The following PCNX2 variants were observed in gnomAD, a reference collection of about 807,000 sequenced individuals.
The protein encoded by PCNX2 is pecanex-like protein 2.
PCNX2 carries 168 observed loss-of-function variants against 223.8 expected under a neutral mutation model. The observed-to-expected ratio is 0.75, with a 90% CI of 0.66 to 0.85. The LOEUF (loss-of-function observed/expected upper bound fraction) is 0.85, where lower values mean the gene tolerates loss of function less well. Among genes scored for constraint, PCNX2 ranks in the 40% least tolerant of loss-of-function variants. The probability of loss-of-function intolerance (pLI) is 0.00; values close to 1 mark genes in which losing one functional copy is unlikely to be tolerated. For missense variants in PCNX2, 2,507 were observed against 2,675.5 expected, an observed-to-expected ratio of 0.94 and a Z score of 1.39; for synonymous variants, 1,006 against 1,052.6, an observed-to-expected ratio of 0.96 and a Z score of 0.86.
chr1:233,261,452 C>T (rs911804832), intron 3 of PCNX2, 131 bp from the exon 4 acceptor site: 2 of 787,130 alleles, frequency 2.5e-6, no homozygotes, highest in Non-Finnish European at 2.1e-6. Context: ...ACAGTGTTCA[C>T]TCTCCTTAAG....
intron 1 of PCNX2, among the ~76,000 whole-genome samples, chr1:233,273,350 G>A (rs977446506): frequency 1.3e-4 from 19 of 151,972 alleles, no homozygotes; most frequent in African/African-American, 4.1e-4. Flanking sequence ...AGTGGCCACA[G>A]CTCAAAGTGG....
intron 15 of PCNX2, among the ~76,000 whole-genome samples, chr1:233,187,144 C>T (rs1049111169): frequency 3.3e-5 from 5 of 152,222 alleles, no homozygotes; most frequent in African/African-American, 1.2e-4. Flanking sequence ...GCAGCGACTA[C>T]CTGACTTGCT....
intron 1 of PCNX2, among the ~76,000 whole-genome samples, chr1:233,273,141 T>C (rs1374459484): frequency 1.5e-5 from 2 of 134,488 alleles, no homozygotes; most frequent in Non-Finnish European, 3.2e-5. Context: ...CAAAAACCTA[T>C]GGAAATAAAA....
intron 21 of PCNX2, among the ~76,000 whole-genome samples, chr1:233,096,762 A>G (rs778166089): frequency 6.6e-6 from 1 of 152,226 alleles, no homozygotes; most frequent in African/African-American, 2.4e-5. Context: ...TATAATTTTT[A>G]ATTAGGCTCA....
In PCNX2 at chr1:233,271,831, A is replaced by C. The variant is rs1660653040; in HGVS notation, c.154-8668T>G. On this transcript the variant is annotated intron_variant, in intron 1 of 33. Coordinates refer to ENST00000258229, the MANE Select transcript of PCNX2 (RefSeq NM_014801.4). ...GTTCTCTGTTCTATTCCATTGGTTT[A>C]TGTGCCTATTTTTATACCAGTAGCA... Among the ~76,000 whole-genome samples the C allele has an allele frequency of 3.9e-5, 6 of 152,110 alleles. No homozygotes were observed. The South Asian group carries it at 1.2e-3, about 32-fold the overall frequency.
chr1:233,194,196 C>T (rs183223212), intron 15 of PCNX2, among the ~76,000 whole-genome samples: 143 of 151,858 alleles, frequency 9.4e-4, no homozygotes, highest in Non-Finnish European at 1.0e-3. Context: ...ATTGGAATAA[C>T]GGCAGATTTT....
chr1:233,295,457 G>A lies in PCNX2; in HGVS notation c.22C>T (p.Leu8=), dbSNP rs935121612. ...GCGGCCCACACGCCCTGCCGGAGCA[G>A]CTGCAGCACCTGGGACACCATGCCG... is the stretch of plus-strand genomic sequence containing the variant. The part of the protein sequence containing the change: MVSQVLQ[L]LRQGVWAALT... The change falls in exon 1 of 34, where the codon CTG becomes TTG. Residue 8 remains leucine (L), a synonymous_variant. Transcript: ENST00000258229. This position sits in a 1 kb window ranked among gnomAD's most constrained non-coding sequence, Gnocchi z 4.1. 1.3e-6 allele frequency: 2 copies of A among 1,550,460 alleles called. No individual in the cohort carries two copies. The highest frequency in any genetic ancestry group is 1.4e-5 in the African/African-American group (1 of 73,034).
At chr1:233,015,692 CAAAAAAAT>C (rs1315888225) in intron 27 of PCNX2, among the ~76,000 whole-genome samples, 2 of 151,104 alleles carry the variant, frequency 1.3e-5, no homozygotes, top group Non-Finnish European at 1.5e-5. Context: ...GACTCTGTCT[CAAAAAAAT>C]AAAAAAATAA....
At chr1:233,292,449 T>G (rs1454569282) in intron 1 of PCNX2, among the ~76,000 whole-genome samples, 1 of 152,180 alleles carries the variant, frequency 6.6e-6, no homozygotes, top group African/African-American at 2.4e-5. Context: ...TCTCAAGGGA[T>G]CCACCCAACT....
chr1:233,186,505 T>C (rs58927419), intron 15 of PCNX2, among the ~76,000 whole-genome samples: 20,311 of 152,060 alleles, frequency 0.13, 1,520 homozygotes, highest in East Asian at 0.22. Flanking sequence ...CCTTCTAGGC[T>C]CTGGCATCCC....
chr1:233,120,164 C>CAAAAAAAAAAAAAAAAAAAAAAAA (rs1228898502), intron 21 of PCNX2, among the ~76,000 whole-genome samples: 7 of 42,668 alleles, frequency 1.6e-4, no homozygotes, highest in Non-Finnish European at 2.2e-4. Flanking sequence ...GACTCCATTT[C>CAAAAAAAAAAAAAAAAAAAAAAAA]AAAAAAAAAA....
intron 17 of PCNX2, among the ~76,000 whole-genome samples, chr1:233,166,055 C>T (rs531692039): frequency 6.6e-6 from 1 of 151,920 alleles, no homozygotes; most frequent in Non-Finnish European, 1.5e-5. Flanking sequence ...AGAAATAGGC[C>T]ACAACAGATA....
intron 21 of PCNX2, among the ~76,000 whole-genome samples, chr1:233,103,411 C>A (rs1462274960): frequency 6.6e-6 from 1 of 152,022 alleles, no homozygotes; most frequent in Non-Finnish European, 1.5e-5. Flanking sequence ...TTAACCATCA[C>A]CACCTCCTCC....
chr1:233,298,996 CTT>C (rs1662217472), upstream of PCNX2, among the ~76,000 whole-genome samples: 1 of 152,196 alleles, frequency 6.6e-6, no homozygotes, highest in South Asian at 2.1e-4. Flanking sequence ...ACTCTAAAGT[CTT>C]TATCTTCAGC....
chr1:233,107,254 G>T (rs113139815), intron 21 of PCNX2, among the ~76,000 whole-genome samples: 1 of 151,972 alleles, frequency 6.6e-6, no homozygotes, highest in East Asian at 1.9e-4. Flanking sequence ...AATTAACAAG[G>T]TTGGGTGCAG....
chr1:233,300,669 A>C (rs1182009951), upstream of PCNX2, among the ~76,000 whole-genome samples: 5 of 152,216 alleles, frequency 3.3e-5, no homozygotes, highest in Admixed American at 6.5e-5. Context: ...TGTCAATTAC[A>C]ACTCCAAGTA....
intron 13 of PCNX2, among the ~76,000 whole-genome samples, chr1:233,206,611 G>A (rs958424304): frequency 6.6e-6 from 1 of 152,118 alleles, no homozygotes; most frequent in Non-Finnish European, 1.5e-5. Context: ...GGGCAGGAGG[G>A]CACTGACTGG....
At chr1:233,195,831 G>T (rs1680695619) in intron 15 of PCNX2, among the ~76,000 whole-genome samples, 1 of 152,192 alleles carries the variant, frequency 6.6e-6, no homozygotes, top group Non-Finnish European at 1.5e-5. Flanking sequence ...AAAAGTTACA[G>T]TTAAGATGTC....
intron 9 of PCNX2, among the ~76,000 whole-genome samples, chr1:233,233,458 G>A (rs1234190737): frequency 6.6e-6 from 1 of 150,652 alleles, no homozygotes; most frequent in Non-Finnish European, 1.5e-5. Context: ...GTGTGTGTGT[G>A]TGTGTGTGTG....
Sources: gnomAD v4.1 joint callset for allele counts (sites outside exome capture counted in the v4.1 genomes callset) on GRCh38, gnomAD v4.1.1 for gene constraint, Gnocchi (gnomAD v3.1) non-coding constraint, MANE v1.5 for transcripts, NCBI Gene and HGNC (gene_info 2026-07-23, HGNC 2026-07-21) for gene names.